Variants in CRYGN observed in about 807,000 individuals in gnomAD.
CRYGN encodes gamma-crystallin N.
Under a neutral mutation model 19.2 loss-of-function variants are expected in CRYGN, and 17 were observed. The observed-to-expected ratio is 0.89, with a 90% CI of 0.61 to 1.33. The LOEUF (loss-of-function observed/expected upper bound fraction) is 1.33. Ranked by LOEUF, CRYGN falls within the 40% of genes most tolerant of loss-of-function variation. The probability of loss-of-function intolerance (pLI) is 0.00; values close to 1 mark genes in which losing one functional copy is unlikely to be tolerated. For missense variants in CRYGN, 239 were observed against 239.6 expected (o/e 1.00, Z 0.02); for synonymous variants, 84 against 85.8 (o/e 0.98, Z 0.12).
Position 151,436,950 on chromosome 7 carries a change from C to G in CRYGN, c.271-625G>C, listed in dbSNP as rs1203239517. The G allele has an allele frequency of 6.6e-6, 1 of 152,078 alleles. No homozygotes were observed. The highest frequency in any genetic ancestry group is 1.5e-5 in the Non-Finnish European group (1 of 68,030). 9.4% of individuals were successfully genotyped at this position (152,078 alleles called of 1,614,324 possible). A position where few individuals can be genotyped will look rare whatever the true frequency, so the allele number is the denominator to read the frequency against. On this transcript the variant is annotated intron_variant, in intron 2 of 3. Coordinates refer to ENST00000337323, the MANE Select transcript of CRYGN (RefSeq NM_144727.3). This position sits in a 1 kb window ranked among gnomAD's most constrained non-coding sequence, Gnocchi z 5.1. ...GCCAGCCCCTGCCTGGCTCAGAAGC[C>G]GGCAGGGCCTGGTCTGCGTCACAGC...
upstream of CRYGN, chr7:151,440,272 C>G: frequency 2.6e-6 from 1 of 383,326 alleles, no homozygotes; most frequent in South Asian, 7.0e-5. Flanking sequence ...CTGCGCTGCC[C>G]CTCAGCCCTC....
intron 3 of CRYGN, among the ~76,000 whole-genome samples, chr7:151,432,569 C>T (rs1355683491): frequency 2.0e-5 from 3 of 152,126 alleles, no homozygotes; most frequent in South Asian, 2.1e-4. Context: ...TTTGGGAGGC[C>T]GAGGCAGGCA....
In CRYGN at chr7:151,439,939, G is replaced by C; in HGVS notation, c.-22C>G. ...CCATGGTGCGCCCCGCCCCTTCCGC[G>C]GGTCCCCGTTTACACCGGGCAGCGC... On this transcript the variant is annotated 5_prime_UTR_variant, in exon 1 of 4. Coordinates refer to ENST00000337323, the MANE Select transcript of CRYGN (RefSeq NM_144727.3). 6.5e-7 allele frequency: 1 copy of C among 1,531,946 alleles called. No homozygotes were observed. The highest frequency in any genetic ancestry group is 8.8e-7 in the Non-Finnish European group (1 of 1,140,024). The allele number at this position is 1,531,946 out of a possible 1,614,324, so 94.9% of individuals were successfully genotyped here. A position where few individuals can be genotyped will look rare whatever the true frequency, so the allele number is the denominator to read the frequency against.
chr7:151,432,229 C>A (rs1412855404), intron 3 of CRYGN: 1 of 1,232,204 alleles, frequency 8.1e-7, no homozygotes, highest in Non-Finnish European at 1.0e-6. Flanking sequence ...GCGGAAGTCG[C>A]CACTCTCCAC....
rs1261117813 is a variant in CRYGN, at chr7:151,435,339, C to G, written c.416+841G>C. 6.6e-6 allele frequency among the ~76,000 whole-genome samples: 1 copy of G among 152,212 alleles called. No individual in the cohort carries two copies. The highest frequency in any genetic ancestry group is 1.5e-5 in the Non-Finnish European group (1 of 68,042). On this transcript the variant is annotated intron_variant, in intron 3 of 3. Coordinates refer to ENST00000337323, the MANE Select transcript of CRYGN (RefSeq NM_144727.3). This position sits in a 1 kb window ranked among gnomAD's most constrained non-coding sequence, Gnocchi z 4.2. ...TGGCTGCAGTCTCAGCTGTGCCACT[C>G]CCACGGGGCGGCCGGGCAGTCAGCC...
In CRYGN at chr7:151,436,034, G is replaced by C; in HGVS notation, c.416+146C>G. 1.9e-6 allele frequency: 1 copy of C among 519,040 alleles called. No homozygotes were observed. The highest frequency in any genetic ancestry group is 3.0e-6 in the Non-Finnish European group (1 of 334,288). 32.2% of individuals were successfully genotyped at this position (519,040 alleles called of 1,614,324 possible). On this transcript the variant is annotated intron_variant, in intron 3 of 3. Transcript: ENST00000337323. The surrounding 1 kb of genome is among the most constrained non-coding windows in gnomAD (Gnocchi z 5.1). ...GGTGAGGCAGCTGAGGAAAGGAGAG[G>C]GCCTGTGGGGCCAGGGACACGCTGC...
At chr7:151,432,147 C>T (rs531521459) in intron 3 of CRYGN, 21 of 1,219,866 alleles carry the variant, frequency 1.7e-5, no homozygotes, top group African/African-American at 9.3e-5. Context: ...TGGGAGGGCT[C>T]GGCTGGAAGA....
At chr7:151,437,860 G>C in intron 2 of CRYGN, 136 bp downstream of exon 2, 1 of 1,530,256 alleles carries the variant, frequency 6.5e-7, no homozygotes, top group Non-Finnish European at 8.8e-7. Flanking sequence ...AGGTGGCTCT[G>C]GGTATAGCTC....
intron 3 of CRYGN, among the ~76,000 whole-genome samples, chr7:151,432,761 G>A (rs961891171): frequency 5.3e-5 from 8 of 152,114 alleles, no homozygotes; most frequent in African/African-American, 1.7e-4. Flanking sequence ...CCGAGATTGC[G>A]CCACTGCATT....
upstream of CRYGN, chr7:151,440,187 G>C: frequency 9.3e-7 from 1 of 1,074,414 alleles, no homozygotes; most frequent in Non-Finnish European, 1.2e-6. Context: ...CCCAGCCCGC[G>C]GCTGCCCCTG....
chr7:151,436,355 A>AACCACC lies in CRYGN; in HGVS notation c.271-31_271-30insGGTGGT. ...AAGACCAAGCAAAAAAGAAGGAAAG[A>AACCACC]AGGAGGTTGCTGTGAATTCCCCTCT... On this transcript the variant is annotated intron_variant, in intron 2 of 3. Coordinates refer to ENST00000337323, the MANE Select transcript of CRYGN (RefSeq NM_144727.3). This position sits in a 1 kb window ranked among gnomAD's most constrained non-coding sequence, Gnocchi z 5.1. 6.7e-7 allele frequency: 1 copy of AACCACC among 1,493,128 alleles called. No individual in the cohort carries two copies. Among genetic ancestry groups the AACCACC allele is most frequent in the Non-Finnish European group, 9.0e-7 (1 of 1,115,324 alleles). The allele number at this position is 1,493,128 out of a possible 1,614,324, so 92.5% of individuals were successfully genotyped here.
At chr7:151,432,803 C>T (rs1328306174) in intron 3 of CRYGN, among the ~76,000 whole-genome samples, 4 of 152,188 alleles carry the variant, frequency 2.6e-5, no homozygotes, top group Admixed American at 1.3e-4. Flanking sequence ...GCACTCCCGC[C>T]ATCACTGCAC....
Position 151,430,049 on chromosome 7 carries a change from C to T in CRYGN, c.548G>A (p.Ter183=). 1 of 1,039,422 alleles carries T rather than the reference C, an allele frequency of 9.6e-7. No individual in the cohort carries two copies. The highest frequency in any genetic ancestry group is 1.5e-6 in the Non-Finnish European group (1 of 654,650). The allele number at this position is 1,039,422 out of a possible 1,614,324, so 64.4% of individuals were successfully genotyped here. Reference sequence around the variant, plus strand: ...TTTACATGTCAATCGGTTCCAGGCTCAGAGGTTTGCAGTCAGGAAAGGTGG... The same window carrying T: ...TTTACATGTCAATCGGTTCCAGGCTTAGAGGTTTGCAGTCAGGAAAGGTGG... ...TQPPFLTANL[*] Residue 183 remains the stop codon, a stop_retained_variant, in exon 4 of 4, where the codon TGA becomes TAA. Transcript: ENST00000337323. This position sits in a 1 kb window ranked among gnomAD's most constrained non-coding sequence, Gnocchi z 5.2.
intron 2 of CRYGN, 111 bp downstream of exon 2, chr7:151,437,885 A>T: frequency 1.9e-6 from 3 of 1,570,052 alleles, no homozygotes; most frequent in Non-Finnish European, 2.6e-6. Flanking sequence ...AGTCTTACAG[A>T]CTTTAAAGCC....
chr7:151,437,042 A>C (rs1357083476), intron 2 of CRYGN: 1 of 152,230 alleles, frequency 6.6e-6, no homozygotes, highest in Admixed American at 6.5e-5. Context: ...TCATATAAAT[A>C]GCATTATGCA....
rs7808369 is a variant in CRYGN at position 151,429,736 on chromosome 7, G to A, written c.*312C>T. 63,305 of 413,408 alleles carry A rather than the reference G, an allele frequency of 0.15. 5,168 individuals are homozygous for A. The highest frequency in any genetic ancestry group is 0.17 in the Middle Eastern group (242 of 1,454). 25.6% of individuals were successfully genotyped at this position (413,408 alleles called of 1,614,324 possible). A position where few individuals can be genotyped will look rare whatever the true frequency, so the allele number is the denominator to read the frequency against. Reference sequence around the variant, plus strand: ...CTACAGAGCCTGGCATTAAGTCAGTGCTCCATAAATATTCATCAACATCAT... The same window carrying A: ...CTACAGAGCCTGGCATTAAGTCAGTACTCCATAAATATTCATCAACATCAT... On this transcript the variant is annotated 3_prime_UTR_variant, in exon 4 of 4. Transcript: ENST00000337323.
In CRYGN at chr7:151,430,111, T is replaced by C. The variant is rs1584820233; in HGVS notation, c.486A>G (p.Gly162=). 6.3e-7 allele frequency: 1 copy of C among 1,595,568 alleles called. No individual in the cohort carries two copies. Among genetic ancestry groups the C allele is most frequent in the South Asian group, 1.1e-5 (1 of 90,670 alleles). The change falls in exon 4 of 4, where the codon GGA becomes GGG. Residue 162 remains glycine, a synonymous_variant. Transcript: ENST00000337323. This position sits in a 1 kb window ranked among gnomAD's most constrained non-coding sequence, Gnocchi z 5.2. ...QLSSSLQSDQ[G]PEEATTKPAT... is the part of the protein sequence containing the mutation. ...CTGGTTTTGTGGTGGCCTCTTCCGGTCCTTGATCTGATTGAAGAGAGCTGC... is the reference window on the plus strand; with the variant it reads ...CTGGTTTTGTGGTGGCCTCTTCCGGCCCTTGATCTGATTGAAGAGAGCTGC...
In CRYGN at chr7:151,429,773, G is replaced by C; in HGVS notation, c.*275C>G. The stretch of plus-strand genomic sequence containing the variant: ...TTCATCAACATCATCACCATCATCA[G>C]CTGTGGGCTGAGGTGCGAGATTGTG... On this transcript the variant is annotated 3_prime_UTR_variant, in exon 4 of 4. Transcript: ENST00000337323. 1.9e-6 allele frequency: 1 copy of C among 517,570 alleles called. No individual in the cohort carries two copies. The highest frequency in any genetic ancestry group is 2.2e-5 in the South Asian group (1 of 45,222). 32.1% of individuals were successfully genotyped at this position (517,570 alleles called of 1,614,324 possible).
chr7:151,439,885 G>T lies in CRYGN; in HGVS notation c.21+12C>A. 6.4e-7 allele frequency: 1 copy of T among 1,557,162 alleles called. No individual in the cohort carries two copies. On this transcript the variant is annotated intron_variant, in intron 1 of 3. Transcript: ENST00000337323. ...CCCACTCGGTTTCCTTGGGGTTGAGGGACGCACTCACCTTCCCCGAGCGCT... is the reference window on the plus strand; with the variant it reads ...CCCACTCGGTTTCCTTGGGGTTGAGTGACGCACTCACCTTCCCCGAGCGCT...
Sources: gnomAD v4.1 joint callset for allele counts (sites outside exome capture counted in the v4.1 genomes callset) on GRCh38, gnomAD v4.1.1 for gene constraint, Gnocchi (gnomAD v3.1) non-coding constraint, MANE v1.5 for transcripts, NCBI Gene and HGNC (gene_info 2026-07-23, HGNC 2026-07-21) for gene names.